The following DACH1 variants were observed in gnomAD, a reference collection of about 807,000 sequenced individuals.
DACH1 encodes dachshund family transcription factor 1, also known as dachshund homolog 1.
In DACH1, 12 loss-of-function variants were observed where a neutral mutation model predicts 54.2. The ratio of observed to expected loss-of-function variants is 0.22; its 90% CI spans 0.14 to 0.36. DACH1 has a LOEUF of 0.36. DACH1 is among the 10% of genes least tolerant of loss of function. The probability of loss-of-function intolerance (pLI) is 1.00; values close to 1 mark genes in which losing one functional copy is unlikely to be tolerated. For missense variants in DACH1, 805 were observed against 929.8 expected (o/e 0.87, Z 1.75); for synonymous variants, 386 against 366.2 (o/e 1.05, Z -0.62).
At chr13:71,808,584 G>A (rs550006502) in intron 1 of DACH1, among the ~76,000 whole-genome samples, 187 of 152,270 alleles carry the variant, frequency 1.2e-3, no homozygotes, top group Non-Finnish European at 2.2e-3. Context: ...ATCATGAGAT[G>A]TAAAATATCA....
chr13:71,486,279 T>C (rs1253672031), intron 7 of DACH1, among the ~76,000 whole-genome samples: 1 of 152,110 alleles, frequency 6.6e-6, no homozygotes, highest in Non-Finnish European at 1.5e-5. Context: ...AATGGAACTT[T>C]AAACTTACTA....
intron 9 of DACH1, 83 bp downstream of exon 9, chr13:71,475,623 T>C (rs1403515625): frequency 2.8e-6 from 4 of 1,451,406 alleles, no homozygotes; most frequent in Middle Eastern, 1.8e-4. Flanking sequence ...TATAGAAACA[T>C]ACAAAACTAC....
At chr13:71,612,572 C>T (rs1236554020) in intron 3 of DACH1, among the ~76,000 whole-genome samples, 1 of 152,068 alleles carries the variant, frequency 6.6e-6, no homozygotes, top group African/African-American at 2.4e-5. Flanking sequence ...ATTACACGAC[C>T]TTAAAAGTCA....
At chr13:71,532,543 A>G (rs1162631220) in intron 6 of DACH1, among the ~76,000 whole-genome samples, 3 of 151,992 alleles carry the variant, frequency 2.0e-5, no homozygotes, top group Non-Finnish European at 4.4e-5. Context: ...AATTATGTTA[A>G]TTATGAAAAA....
chr13:71,528,466 C>G (rs1299737706), intron 6 of DACH1, among the ~76,000 whole-genome samples: 1 of 121,082 alleles, frequency 8.3e-6, no homozygotes, highest in Non-Finnish European at 1.6e-5. Context: ...CTCGCTCTGT[C>G]GCCCAGGCTG....
At chr13:71,724,923 C>T (rs940573429) in intron 1 of DACH1, among the ~76,000 whole-genome samples, 5 of 151,962 alleles carry the variant, frequency 3.3e-5, no homozygotes. Flanking sequence ...ATGTCAATCA[C>T]AACTAACTAT....
At chr13:71,609,548 T>C (rs1037136055) in intron 3 of DACH1, among the ~76,000 whole-genome samples, 2 of 152,108 alleles carry the variant, frequency 1.3e-5, no homozygotes, top group African/African-American at 4.8e-5. Context: ...TGACTTTTTT[T>C]TTTTCTTTGA....
At chr13:71,467,866 G>T (rs1204061867) in intron 10 of DACH1, among the ~76,000 whole-genome samples, 1 of 151,984 alleles carries the variant, frequency 6.6e-6, no homozygotes, top group Non-Finnish European at 1.5e-5. Flanking sequence ...TTTTAAGATC[G>T]AGAAAAATGG....
At chr13:71,690,331 C>A (rs1398792459) in intron 1 of DACH1, among the ~76,000 whole-genome samples, 1 of 152,170 alleles carries the variant, frequency 6.6e-6, no homozygotes, top group African/African-American at 2.4e-5. Flanking sequence ...ATACCATTTG[C>A]AAATTTCATT....
intron 3 of DACH1, among the ~76,000 whole-genome samples, chr13:71,600,898 C>T (rs1476584095): frequency 6.6e-6 from 1 of 151,788 alleles, no homozygotes; most frequent in Non-Finnish European, 1.5e-5. Flanking sequence ...ATTGCCCTCA[C>T]CCTTAGAGAT....
intron 6 of DACH1, among the ~76,000 whole-genome samples, chr13:71,512,958 C>T (rs1340441842): frequency 2.6e-5 from 4 of 151,598 alleles, no homozygotes; most frequent in Non-Finnish European, 4.4e-5. Context: ...GCTTTAGAGA[C>T]TAAAATAAGA....
chr13:71,618,628 GTTTTT>G (rs200023662), intron 3 of DACH1, among the ~76,000 whole-genome samples: 1 of 150,566 alleles, frequency 6.6e-6, no homozygotes, highest in Non-Finnish European at 1.5e-5. Context: ...CAGAATTAGG[GTTTTT>G]TTTTAAGAAA....
chr13:71,774,115 G>T (rs1272752029), intron 1 of DACH1, among the ~76,000 whole-genome samples: 1 of 152,066 alleles, frequency 6.6e-6, no homozygotes, highest in African/African-American at 2.4e-5. Flanking sequence ...GCCCTGAAGT[G>T]AAATTATTTT....
chr13:71,826,093 A>T (rs1196274415), intron 1 of DACH1, among the ~76,000 whole-genome samples: 1 of 152,140 alleles, frequency 6.6e-6, no homozygotes, highest in Non-Finnish European at 1.5e-5. Flanking sequence ...ATGTGTATTC[A>T]AATATCCATT....
At chr13:71,802,807 A>T (rs559796529) in intron 1 of DACH1, among the ~76,000 whole-genome samples, 1 of 152,252 alleles carries the variant, frequency 6.6e-6, no homozygotes, top group East Asian at 1.9e-4. Context: ...GATTATAGAT[A>T]TGCTAAAAGT....
At position 71,475,037 on chromosome 13, in the gene DACH1, T is replaced by C. The variant is rs1216806076; in HGVS notation, c.2083+104A>G. 3.1e-6 allele frequency: 3 copies of C among 976,862 alleles called. No individual in the cohort carries two copies. In the East Asian group the frequency reaches 7.2e-5, roughly 24 times the overall value. The allele number at this position is 976,862 out of a possible 1,614,324, so 60.5% of individuals were successfully genotyped here. On this transcript the variant is annotated intron_variant, in intron 10 of 10. Coordinates refer to ENST00000613252, the MANE Select transcript of DACH1 (RefSeq NM_080759.6). ...GAACTTGACCTTGTTTGAACTTGTTTTGATGTGGCCCAGATGGTAGGCTAC... is the reference window on the plus strand; with the variant it reads ...GAACTTGACCTTGTTTGAACTTGTTCTGATGTGGCCCAGATGGTAGGCTAC...
chr13:71,703,903 A>C (rs1323009662), intron 1 of DACH1, among the ~76,000 whole-genome samples: 1 of 152,216 alleles, frequency 6.6e-6, no homozygotes, highest in Non-Finnish European at 1.5e-5. Context: ...ATTATTAACA[A>C]ATAATCCAAG....
intron 10 of DACH1, among the ~76,000 whole-genome samples, chr13:71,443,699 T>C (rs1381725949): frequency 6.6e-6 from 1 of 152,160 alleles, no homozygotes; most frequent in Non-Finnish European, 1.5e-5. Flanking sequence ...TGTAGATATG[T>C]GTAGATATGC....
intron 6 of DACH1, among the ~76,000 whole-genome samples, chr13:71,533,769 AACACACACAC>A (rs141125520): frequency 6.8e-6 from 1 of 148,094 alleles, no homozygotes; most frequent in Admixed American, 6.8e-5. Flanking sequence ...CACACACACA[AACACACACAC>A]ACACACACAC....
Sources: allele counts gnomAD v4.1 joint callset (sites outside exome capture counted in the v4.1 genomes callset), GRCh38; gene constraint gnomAD v4.1.1; transcripts MANE v1.5; gene names NCBI Gene and HGNC (gene_info 2026-07-23, HGNC 2026-07-21).